AVEN: variants seen among roughly 807,000 people sequenced by gnomAD.
The protein encoded by AVEN is apoptosis and caspase activation inhibitor.
Under a neutral mutation model 38.1 loss-of-function variants are expected in AVEN, and 41 were observed. The observed-to-expected ratio is 1.08, with a 90% CI of 0.84 to 1.40. The LOEUF (loss-of-function observed/expected upper bound fraction) is 1.40. Among genes scored for constraint, AVEN ranks in the 40% most tolerant of loss-of-function variants. The pLI, the probability that AVEN is intolerant of heterozygous loss-of-function variation, is 0.00. For synonymous variants in AVEN, 206 were observed against 171.8 expected (o/e 1.20, Z -1.56); for missense variants, 605 against 438.8 (o/e 1.38, Z -3.38).
At chr15:33,932,945 A>T (rs1893906853) in intron 2 of AVEN, among the ~76,000 whole-genome samples, 1 of 152,212 alleles carries the variant, frequency 6.6e-6, no homozygotes, top group East Asian at 1.9e-4. Flanking sequence ...TAAATAATAG[A>T]ACACAACACT....
intron 2 of AVEN, among the ~76,000 whole-genome samples, chr15:33,899,053 G>A (rs1236703325): frequency 6.6e-6 from 1 of 152,154 alleles, no homozygotes; most frequent in East Asian, 1.9e-4. Flanking sequence ...AGCTCTAAGT[G>A]TGATATACTG....
At chr15:33,857,680 C>G, downstream of AVEN, 4 of 1,467,994 alleles carry the variant, frequency 2.7e-6, no homozygotes, top group Non-Finnish European at 3.7e-6. Context: ...TCTCCTTGCC[C>G]GTCCTCACTC....
chr15:33,925,985 T>C (rs942527860), intron 2 of AVEN, among the ~76,000 whole-genome samples: 2 of 152,222 alleles, frequency 1.3e-5, no homozygotes, highest in South Asian at 2.1e-4. Context: ...GGCGATATCC[T>C]TGAAGCAACC....
downstream of AVEN, chr15:33,855,002 G>C: frequency 7.8e-7 from 1 of 1,274,960 alleles, no homozygotes; most frequent in Non-Finnish European, 1.0e-6. Context: ...TGACAGGAAG[G>C]AATATGTCTT....
intron 5 of AVEN, among the ~76,000 whole-genome samples, chr15:34,051,722 G>A (rs933450114): frequency 1.4e-4 from 22 of 152,058 alleles, no homozygotes; most frequent in African/African-American, 4.8e-4. Context: ...TTCTATGCAC[G>A]TAAACTAGAA....
At chr15:34,025,705 T>A (rs184045879) in intron 1 of AVEN, among the ~76,000 whole-genome samples, 3 of 152,052 alleles carry the variant, frequency 2.0e-5, no homozygotes, top group Admixed American at 2.0e-4. Flanking sequence ...CGCTCAAAGG[T>A]TCAGAAGAAA....
At chr15:33,929,888 A>T (rs1431684730) in intron 2 of AVEN, among the ~76,000 whole-genome samples, 2 of 152,210 alleles carry the variant, frequency 1.3e-5, no homozygotes, top group African/African-American at 4.8e-5. Context: ...TAAGGCATTA[A>T]ACTACTAGGG....
chr15:33,862,910 C>T (rs1431988237), downstream of AVEN, among the ~76,000 whole-genome samples: 1 of 152,252 alleles, frequency 6.6e-6, no homozygotes, highest in African/African-American at 2.4e-5. Flanking sequence ...AGCCATCACA[C>T]CCGGCCTCAA....
At chr15:33,910,660 GA>G (rs1381173617) in intron 2 of AVEN, among the ~76,000 whole-genome samples, 2 of 152,230 alleles carry the variant, frequency 1.3e-5, no homozygotes, top group African/African-American at 4.8e-5. Context: ...CATTACTCAT[GA>G]TGCTAGAAGG....
chr15:33,911,067 G>C (rs776746322), intron 2 of AVEN, among the ~76,000 whole-genome samples: 2 of 152,186 alleles, frequency 1.3e-5, no homozygotes, highest in Non-Finnish European at 2.9e-5. Flanking sequence ...CTGCATAGAA[G>C]CCAACCCATT....
chr15:33,903,134 C>A (rs1260347403), intron 2 of AVEN, among the ~76,000 whole-genome samples: 2 of 152,206 alleles, frequency 1.3e-5, no homozygotes, highest in African/African-American at 4.8e-5. Flanking sequence ...AATGAGGCCA[C>A]ATTGATCATA....
chr15:33,998,043 C>G (rs573747645), intron 2 of AVEN, among the ~76,000 whole-genome samples: 2 of 152,260 alleles, frequency 1.3e-5, no homozygotes, highest in South Asian at 4.1e-4. Context: ...GTACCTCCTC[C>G]ACAACACTTA....
Position 33,867,566 on chromosome 15 carries a change from T to G in AVEN, c.902A>C (p.Asn301Thr), listed in dbSNP as rs1327217608. The G allele has an allele frequency of 6.2e-7, 1 of 1,614,088 alleles. No homozygotes were observed. The highest frequency in any genetic ancestry group is 8.5e-7 in the Non-Finnish European group (1 of 1,179,974). The change falls in exon 5 of 6, where the codon AAC becomes ACC. Residue 301 changes from asparagine (N) to threonine (T), a missense_variant. Transcript: ENST00000306730. ...CTGAGACGTCTGATCTGGTAAGATG[T>G]TATCTCCCTCTTTTATAGGTGCATC... ...NLDAPIKEGDNILPDQTSQDL... is the reference protein window; with the variant it reads ...NLDAPIKEGDTILPDQTSQDL...
intron 2 of AVEN, among the ~76,000 whole-genome samples, chr15:33,976,601 A>G (rs1895899916): frequency 6.6e-6 from 1 of 152,196 alleles, no homozygotes; most frequent in Non-Finnish European, 1.5e-5. Context: ...AAATTTATAT[A>G]TCTTTATTTA....
At chr15:33,869,701 A>G (rs114445650) in intron 4 of AVEN, among the ~76,000 whole-genome samples, 1 of 152,218 alleles carries the variant, frequency 6.6e-6, no homozygotes, top group African/African-American at 2.4e-5. Flanking sequence ...AATGCTATAC[A>G]GCAAATGAAT....
chr15:33,984,527 C>T (rs369416386), intron 2 of AVEN, among the ~76,000 whole-genome samples: 3 of 151,890 alleles, frequency 2.0e-5, no homozygotes, highest in East Asian at 3.9e-4. Context: ...CTCAGCCTCC[C>T]GCGTAGCTCA....
intron 2 of AVEN, chr15:34,066,886 G>A (rs886299482): frequency 6.6e-6 from 1 of 151,596 alleles, no homozygotes; most frequent in African/African-American, 2.4e-5. Context: ...AGCCAGTTTT[G>A]CAGACTACCT....
At chr15:34,037,372 A>C (rs1899192532) in intron 1 of AVEN, among the ~76,000 whole-genome samples, 1 of 151,788 alleles carries the variant, frequency 6.6e-6, no homozygotes, top group African/African-American at 2.4e-5. Flanking sequence ...AATACTGTTG[A>C]CTCAAGGGCA....
At chr15:33,937,932 C>CAAA (rs55887919) in intron 2 of AVEN, among the ~76,000 whole-genome samples, 4 of 100,866 alleles carry the variant, frequency 4.0e-5, no homozygotes, top group Non-Finnish European at 8.3e-5. Context: ...CCTACTTGAC[C>CAAA]AAAAAAAAAA....
Sources: allele counts gnomAD v4.1 joint callset (sites outside exome capture counted in the v4.1 genomes callset), GRCh38; gene constraint gnomAD v4.1.1; transcripts MANE v1.5; gene names NCBI Gene and HGNC (gene_info 2026-07-23, HGNC 2026-07-21).